ZNF575: variants seen among roughly 807,000 people sequenced by gnomAD.
ZNF575 encodes the protein zinc finger protein 575.
A neutral mutation model predicts 17.5 loss-of-function variants in ZNF575; 17 were observed. The observed-to-expected ratio is 0.97, with a 90% confidence interval of 0.66 to 1.45. The LOEUF is 1.45. Ranked by LOEUF, ZNF575 falls within the 40% of genes most tolerant of loss-of-function variation. The pLI is 0.00. For synonymous variants in ZNF575, 146 were observed against 158.3 expected (o/e 0.92, Z 0.58); for missense variants, 352 against 359.2 (o/e 0.98, Z 0.16).
At position 43,533,188 on chromosome 19, in the gene ZNF575, A is replaced by C. The variant is rs1465586415; in HGVS notation, c.-528A>C. On this transcript the variant is annotated 5_prime_UTR_variant, in exon 1 of 4. Coordinates refer to ENST00000314228, the MANE Select transcript of ZNF575 (RefSeq NM_174945.3). ...GCGGTGCACTTTCTGTCGATACGGT[A>C]GCTTCGCGCTTGCTCACGAACTTGC... 1 of 152,200 alleles carries C rather than the reference A, an allele frequency of 6.6e-6. No homozygotes were observed. Among genetic ancestry groups the C allele is most frequent in the East Asian group, 1.9e-4 (1 of 5,166 alleles). The allele number at this position is 152,200 out of a possible 1,614,324, so 9.4% of individuals were successfully genotyped here.
At chr19:43,532,022 G>T (rs1972351659), upstream of ZNF575, 2 of 426,710 alleles carry the variant, frequency 4.7e-6, no homozygotes, top group Non-Finnish European at 8.2e-6. Flanking sequence ...TTGTTTGTTT[G>T]GGTTTTTGGT....
At chr19:43,531,594 G>A (rs1043482379), upstream of ZNF575, among the ~76,000 whole-genome samples, 1 of 152,008 alleles carries the variant, frequency 6.6e-6, no homozygotes, top group African/African-American at 2.4e-5. Flanking sequence ...AAAAAAGAGA[G>A]AGAGAGAGAC....
upstream of ZNF575, chr19:43,531,771 G>A (rs1211442563): frequency 1.5e-6 from 1 of 658,138 alleles, no homozygotes; most frequent in Non-Finnish European, 2.7e-6. Context: ...CTGGTCATGA[G>A]TGAATAATTA....
At position 43,535,041 on chromosome 19, in the gene ZNF575, G is replaced by C; in HGVS notation, c.92G>C (p.Gly31Ala). The change falls in exon 4 of 4, where the codon GGC (glycine) becomes GCC (alanine). Residue 31 changes from glycine to alanine, a missense_variant. Physicochemically the swap from Gly to Ala is moderately conservative, Grantham distance 60. Transcript: ENST00000314228. ...TCCTGTCCCCCAGCTCCCCACCAGG[G>C]CCCACCGCAGAAGCCCAGCCAGTCA... Reference protein sequence around the residue: ...EPVTKEAPHQGPPQKPSQSAP... With the variant: ...EPVTKEAPHQAPPQKPSQSAP... The C allele has an allele frequency of 2.0e-6, 3 of 1,467,834 alleles. No individual in the cohort carries two copies. The highest frequency in any genetic ancestry group is 2.7e-6 in the Non-Finnish European group (3 of 1,121,350). The allele number at this position is 1,467,834 out of a possible 1,614,324, so 90.9% of individuals were successfully genotyped here.
chr19:43,531,424 A>C (rs1353158325), upstream of ZNF575, among the ~76,000 whole-genome samples: 1 of 152,190 alleles, frequency 6.6e-6, no homozygotes, highest in African/African-American at 2.4e-5. Flanking sequence ...TCTACTAAAA[A>C]TACAAAAATT....
rs1972370548 is a variant in ZNF575 at position 43,533,483 on chromosome 19, A to G, written c.-233A>G. ...CTGCGGCCGTGGCCGTGGCGGGAGG[A>G]GCCGGAAGCCCCGCCCCCGGGGAGG... On this transcript the variant is annotated 5_prime_UTR_variant, in exon 1 of 4. Coordinates refer to ENST00000314228, the MANE Select transcript of ZNF575 (RefSeq NM_174945.3). 6.6e-6 allele frequency: 1 copy of G among 151,736 alleles called. No individual in the cohort carries two copies. Among genetic ancestry groups the G allele is most frequent in the Non-Finnish European group, 1.5e-5 (1 of 67,990 alleles). The allele number at this position is 151,736 out of a possible 1,614,324, so 9.4% of individuals were successfully genotyped here. A position where few individuals can be genotyped will look rare whatever the true frequency, so the allele number is the denominator to read the frequency against.
rs747976040 is a variant in ZNF575, at chr19:43,535,711, C to A, written c.*24C>A. 2.6e-6 allele frequency: 4 copies of A among 1,566,586 alleles called. No homozygotes were observed. Among genetic ancestry groups the A allele is most frequent in the Non-Finnish European group, 3.5e-6 (4 of 1,155,300 alleles). ...GAGCCCTCCCTTGGCTCACTGTCCCCTTCTGCCGCCAGCCCTAGCCAGTAA... is the reference window on the plus strand; with the variant it reads ...GAGCCCTCCCTTGGCTCACTGTCCCATTCTGCCGCCAGCCCTAGCCAGTAA... On this transcript the variant is annotated 3_prime_UTR_variant, in exon 4 of 4. Coordinates refer to ENST00000314228, the MANE Select transcript of ZNF575 (RefSeq NM_174945.3).
Position 43,535,558 on chromosome 19 carries a change from CGCGCCCGGCAGCCAGGCGACT to C in ZNF575, c.612_632del (p.Pro205_Ala211del), listed in dbSNP as rs774462120. ...ATCGCCTATGTCACGACCCCCCAAC[CGCGCCCGGCAGCCAGGCGACT>C]GCCTGGCACCGATGCTCCAGCTGCG... On this transcript the variant is annotated inframe_deletion, in exon 4 of 4. Transcript: ENST00000314228. The C allele has an allele frequency of 5.6e-6, 9 of 1,613,948 alleles. No homozygotes were observed. The South Asian group carries it at 9.9e-5, about 18-fold the overall frequency.
At position 43,535,195 on chromosome 19, in the gene ZNF575, C is replaced by G. The variant is rs982694350; in HGVS notation, c.246C>G (p.Arg82=). 2 of 1,610,580 alleles carry G rather than the reference C, an allele frequency of 1.2e-6. No individual in the cohort carries two copies. Among genetic ancestry groups the G allele is most frequent in the South Asian group, 2.2e-5 (2 of 90,682 alleles). The part of the protein sequence containing the change: ...FSYPSKLATH[R]LAHGGARPHP... ...ACCCGTCCAAGCTGGCCACGCACCGCTTAGCACACGGAGGCGCCCGACCCC... is the reference window on the plus strand; with the variant it reads ...ACCCGTCCAAGCTGGCCACGCACCGGTTAGCACACGGAGGCGCCCGACCCC... Residue 82 remains arginine, a synonymous_variant, in exon 4 of 4, where the codon CGC becomes CGG. Transcript: ENST00000314228.
rs544058514 is a variant in ZNF575 at position 43,535,646 on chromosome 19, C to T, written c.697C>T (p.Arg233Cys). ...GQRRLLLLHQ[R>C]SHHQVEHKGE... ...GAGACGCTTACTGCTCCTTCATCAA[C>T]GCAGCCACCACCAGGTGGAGCACAA... The change falls in exon 4 of 4, where the codon CGC becomes TGC. Residue 233 changes from arginine to cysteine, a missense_variant. Physicochemically the swap from Arg to Cys is radical, Grantham distance 180 (BLOSUM62 -3). Coordinates refer to ENST00000314228, the MANE Select transcript of ZNF575 (RefSeq NM_174945.3). 7 of 1,613,110 alleles carry T rather than the reference C, an allele frequency of 4.3e-6. No homozygotes were observed. The South Asian group carries it at 4.4e-5, about 10-fold the overall frequency.
At chr19:43,532,763 C>T (rs1404315277), upstream of ZNF575, among the ~76,000 whole-genome samples, 5 of 152,226 alleles carry the variant, frequency 3.3e-5, no homozygotes, top group African/African-American at 1.2e-4. Context: ...CACCCCAGGC[C>T]TGGCACCAAG....
In ZNF575 at chr19:43,534,531, C is replaced by T. The variant is rs776114689; in HGVS notation, c.79+30C>T. 3.5e-6 allele frequency: 5 copies of T among 1,415,350 alleles called. No individual in the cohort carries two copies. In the African/African-American group the frequency reaches 7.5e-5, roughly 21 times the overall value. The allele number at this position is 1,415,350 out of a possible 1,614,324, so 87.7% of individuals were successfully genotyped here. ...GAGTGCCCCGCCTGTGAGTAGGGAG[C>T]ATTCTCCAGGAACGGGGGCCAAAAT... On this transcript the variant is annotated intron_variant, in intron 3 of 3. Transcript: ENST00000314228.
At chr19:43,534,978 G>A in intron 3 of ZNF575, 51 bp from the exon 4 acceptor site, 1 of 1,383,420 alleles carries the variant, frequency 7.2e-7, no homozygotes, top group South Asian at 1.6e-5. Context: ...CCTGGCCTAG[G>A]CCCAGGGCGT....
At chr19:43,531,745 G>A (rs959608979), upstream of ZNF575, 7 of 573,030 alleles carry the variant, frequency 1.2e-5, no homozygotes, top group East Asian at 3.1e-5. Flanking sequence ...GTGGATGGGG[G>A]GTAAATCAAA....
Position 43,534,368 on chromosome 19 carries a change from A to T in ZNF575, c.-55A>T, listed in dbSNP as rs779956793. 1.2e-5 allele frequency: 18 copies of T among 1,511,900 alleles called. No individual in the cohort carries two copies. The highest frequency in any genetic ancestry group is 1.8e-6 in the Non-Finnish European group (2 of 1,117,114). The allele number at this position is 1,511,900 out of a possible 1,614,324, so 93.7% of individuals were successfully genotyped here. ...CAACCCTATCCCCATCAGCCTGGTC[A>T]TCACCGGCGTCACCCCCGCCCCGCG... On this transcript the variant is annotated 5_prime_UTR_variant, in exon 3 of 4. Transcript: ENST00000314228.
chr19:43,536,039 C>A lies in ZNF575; in HGVS notation c.*352C>A. On this transcript the variant is annotated 3_prime_UTR_variant, in exon 4 of 4. Coordinates refer to ENST00000314228, the MANE Select transcript of ZNF575 (RefSeq NM_174945.3). ...GTTTAAACTGGTGTCTCCACTTTGGCCATATGACGGTATCTAAGAAATTGA... is the reference window on the plus strand; with the variant it reads ...GTTTAAACTGGTGTCTCCACTTTGGACATATGACGGTATCTAAGAAATTGA... The A allele has an allele frequency of 3.6e-6, 1 of 280,980 alleles. No individual in the cohort carries two copies. Among genetic ancestry groups the A allele is most frequent in the Non-Finnish European group, 6.7e-6 (1 of 148,284 alleles). 17.4% of individuals were successfully genotyped at this position (280,980 alleles called of 1,614,324 possible). A position where few individuals can be genotyped will look rare whatever the true frequency, so the allele number is the denominator to read the frequency against.
At chr19:43,531,840 C>T (rs1349760069), upstream of ZNF575, 11 of 688,320 alleles carry the variant, frequency 1.6e-5, no homozygotes, top group Non-Finnish European at 2.9e-5. Context: ...GGCTGGAATG[C>T]AGTAACACAA....
At chr19:43,530,870 T>C (rs1177143847), upstream of ZNF575, among the ~76,000 whole-genome samples, 1 of 152,162 alleles carries the variant, frequency 6.6e-6, no homozygotes, top group Non-Finnish European at 1.5e-5. Context: ...ATAAGGACAG[T>C]TTCCAGTGTA....
chr19:43,535,013 C>A lies in ZNF575; in HGVS notation c.80-16C>A. On this transcript the variant is annotated splice_polypyrimidine_tract_variant and intron_variant, in intron 3 of 3. Transcript: ENST00000314228. ...TTGGCTGCTTCCTGGAGCCCACCAG[C>A]CCTCCTGTCCCCCAGCTCCCCACCA... The A allele has an allele frequency of 1.4e-6, 2 of 1,421,110 alleles. No individual in the cohort carries two copies. Among genetic ancestry groups the A allele is most frequent in the Non-Finnish European group, 1.8e-6 (2 of 1,100,364 alleles). 88.0% of individuals were successfully genotyped at this position (1,421,110 alleles called of 1,614,324 possible).
Sources: gnomAD v4.1 joint callset for allele counts (sites outside exome capture counted in the v4.1 genomes callset) on GRCh38, gnomAD v4.1.1 for gene constraint, MANE v1.5 for transcripts, NCBI Gene and HGNC (gene_info 2026-07-23, HGNC 2026-07-21) for gene names.